C5: variants seen among roughly 807,000 people sequenced by gnomAD.
C5 encodes the protein complement C5, also known as C3 and PZP-like alpha-2-macroglobulin domain-containing protein 4.
C5 carries 140 observed loss-of-function variants against 218.8 expected under a neutral mutation model. That is an observed-to-expected ratio of 0.64 (90% CI 0.56 to 0.74). The LOEUF (loss-of-function observed/expected upper bound fraction) is 0.74, where lower values mean the gene tolerates loss of function less well. C5 is among the 30% of genes least tolerant of loss of function. C5 has a pLI of 0.00. For synonymous variants in C5, 614 were observed against 682.3 expected (o/e 0.90, Z 1.56); for missense variants, 1,700 against 1,969.6 (o/e 0.86, Z 2.59).
chr9:120,992,548 C>T (rs919951467), intron 22 of C5, among the ~76,000 whole-genome samples: 1 of 152,214 alleles, frequency 6.6e-6, no homozygotes, highest in Non-Finnish European at 1.5e-5. Context: ...TCTAGATTTG[C>T]TCCTTCACCA....
chr9:120,961,645 G>A, intron 36 of C5, 80 bp from the exon 37 acceptor site: 1 of 894,438 alleles, frequency 1.1e-6, no homozygotes, highest in South Asian at 1.3e-5. Flanking sequence ...TGTCTTACAT[G>A]GAGCCTCAGA....
chr9:120,964,149 G>A (rs1054274503), intron 33 of C5, among the ~76,000 whole-genome samples: 3 of 152,240 alleles, frequency 2.0e-5, no homozygotes, highest in African/African-American at 7.2e-5. Flanking sequence ...ATGTTGAAAA[G>A]AGATTCAATA....
intron 23 of C5, among the ~76,000 whole-genome samples, chr9:120,990,911 C>A (rs1010864600): frequency 6.6e-6 from 1 of 152,172 alleles, no homozygotes; most frequent in Non-Finnish European, 1.5e-5. Flanking sequence ...CTAGAAGCAA[C>A]TGGACCCCCA....
the C5 span, among the ~76,000 whole-genome samples, chr9:121,058,394 T>C: frequency 6.6e-6 from 1 of 152,192 alleles, no homozygotes; most frequent in Non-Finnish European, 1.5e-5. Flanking sequence ...AAGTCTTACC[T>C]TCTCTTTGAC....
chr9:121,069,578 A>G, the C5 span, among the ~76,000 whole-genome samples: 1 of 150,620 alleles, frequency 6.6e-6, no homozygotes, highest in African/African-American at 2.4e-5. Flanking sequence ...CAGTGGCATG[A>G]TGATAGCTCA....
At chr9:120,998,258 G>A (rs921906310) in intron 20 of C5, among the ~76,000 whole-genome samples, 3 of 152,178 alleles carry the variant, frequency 2.0e-5, no homozygotes, top group Middle Eastern at 3.2e-3. Flanking sequence ...ACAAGTTGCC[G>A]TAGAGTTTAG....
chr9:121,070,356 A>C, the C5 span, among the ~76,000 whole-genome samples: 1 of 144,964 alleles, frequency 6.9e-6, no homozygotes, highest in Admixed American at 6.9e-5. Flanking sequence ...AAATTCTGAA[A>C]GAAAGAAAGA....
At chr9:121,073,924 A>C in the C5 span, among the ~76,000 whole-genome samples, 14 of 152,332 alleles carry the variant, frequency 9.2e-5, 1 homozygote, top group Admixed American at 2.6e-4. Context: ...AGTTTCTAAA[A>C]GTGTTATACA....
At chr9:121,063,351 A>C in the C5 span, among the ~76,000 whole-genome samples, 1 of 152,088 alleles carries the variant, frequency 6.6e-6, no homozygotes, top group African/African-American at 2.4e-5. Context: ...GTAGTTTTCA[A>C]ATACAGAATT....
At chr9:121,039,999 C>T (rs1328604690) in intron 3 of C5, among the ~76,000 whole-genome samples, 4 of 152,200 alleles carry the variant, frequency 2.6e-5, no homozygotes, top group Non-Finnish European at 5.9e-5. Context: ...TGAAACAAAT[C>T]AGACATGGAC....
intron 7 of C5, among the ~76,000 whole-genome samples, chr9:121,029,073 A>G (rs2047451231): frequency 6.6e-6 from 1 of 152,184 alleles, no homozygotes; most frequent in Admixed American, 6.5e-5. Flanking sequence ...TATGAGATCT[A>G]TTCATAAAAA....
chr9:121,074,689 A>G, the C5 span: 4 of 412,600 alleles, frequency 9.7e-6, no homozygotes, highest in Admixed American at 7.8e-5. Context: ...AGCGAAGGCC[A>G]CAGCACTGCG....
chr9:121,043,746 C>T (rs2047601549), intron 2 of C5, among the ~76,000 whole-genome samples: 1 of 140,402 alleles, frequency 7.1e-6, no homozygotes, highest in Non-Finnish European at 1.5e-5. Context: ...ACGGGTTTCA[C>T]CATGTTGGCC....
At chr9:121,018,939 G>A (rs1414089377) in intron 12 of C5, among the ~76,000 whole-genome samples, 1 of 152,000 alleles carries the variant, frequency 6.6e-6, no homozygotes, top group Admixed American at 6.6e-5. Context: ...GAAACTAAAA[G>A]TCATACTGAT....
At chr9:121,018,728 GGAAGGAAGGAAGGA>G (rs2047334760) in intron 12 of C5, among the ~76,000 whole-genome samples, 2 of 62,404 alleles carry the variant, frequency 3.2e-5, no homozygotes, top group Admixed American at 1.7e-4. Context: ...AAAGAAAGAA[GGAAGGAAGGAAGGA>G]AAGGAAGGAA....
At chr9:120,991,044 G>T in intron 23 of C5, 147 bp downstream of exon 23, 1 of 627,074 alleles carries the variant, frequency 1.6e-6, no homozygotes, top group East Asian at 2.8e-5. Context: ...TGAAAGTGGG[G>T]GTGGGTAGGG....
chr9:120,980,924 C>T (rs2046988381), intron 27 of C5, among the ~76,000 whole-genome samples: 1 of 152,126 alleles, frequency 6.6e-6, no homozygotes, highest in Admixed American at 6.6e-5. Flanking sequence ...TGTTCCCTCT[C>T]AGCGTAGTTG....
chr9:120,999,273 G>T (rs186035504), intron 20 of C5, among the ~76,000 whole-genome samples: 1 of 152,240 alleles, frequency 6.6e-6, no homozygotes, highest in East Asian at 1.9e-4. Context: ...CAAACTACCT[G>T]CAGATACTAG....
intron 33 of C5, 144 bp from the exon 34 acceptor site, chr9:120,963,882 G>A: frequency 3.1e-6 from 2 of 651,128 alleles, no homozygotes; most frequent in Non-Finnish European, 5.5e-6. Flanking sequence ...TAAAATCTCT[G>A]ACTTTAGAGT....
Sources: allele counts gnomAD v4.1 joint callset (sites outside exome capture counted in the v4.1 genomes callset), GRCh38; gene constraint gnomAD v4.1.1; transcripts MANE v1.5; gene names NCBI Gene and HGNC (gene_info 2026-07-23, HGNC 2026-07-21).